RBMS3: variants seen among roughly 807,000 people sequenced by gnomAD.
RBMS3 encodes the protein RNA binding motif single stranded interacting protein 3, also known as RNA-binding motif, single-stranded-interacting protein 3.
A neutral mutation model predicts 66.8 loss-of-function variants in RBMS3; 27 were observed. The observed-to-expected ratio is 0.40, with a 90% CI of 0.30 to 0.56. RBMS3 has a LOEUF of 0.56. Ranked by LOEUF, RBMS3 falls within the 20% of genes least tolerant of loss-of-function variation. The pLI is 0.40. For synonymous variants in RBMS3, 188 were observed against 183.0 expected (o/e 1.03, Z -0.22); for missense variants, 513 against 549.5 (o/e 0.93, Z 0.66).
At chr3:29,721,363 A>G (rs1185829995) in intron 4 of RBMS3, among the ~76,000 whole-genome samples, 2 of 152,170 alleles carry the variant, frequency 1.3e-5, no homozygotes, top group Non-Finnish European at 2.9e-5. Context: ...CTATATAACA[A>G]CAGAGATATA....
At chr3:29,846,242 T>C (rs553364509) in intron 6 of RBMS3, among the ~76,000 whole-genome samples, 1 of 152,114 alleles carries the variant, frequency 6.6e-6, no homozygotes, top group African/African-American at 2.4e-5. Context: ...CAAAAAGAGA[T>C]GGTGGTAATT....
intron 4 of RBMS3, among the ~76,000 whole-genome samples, chr3:29,707,427 A>G (rs1267944993): frequency 6.6e-6 from 1 of 152,210 alleles, no homozygotes; most frequent in Non-Finnish European, 1.5e-5. Flanking sequence ...TTAAATTAAG[A>G]GCAATATTTT....
intron 4 of RBMS3, chr3:29,614,635 G>GCTAA (rs2048600592): frequency 6.6e-6 from 1 of 152,092 alleles, no homozygotes; most frequent in South Asian, 2.1e-4. Flanking sequence ...GGGAACAACT[G>GCTAA]GTTGAAAACT....
rs2037845820 is a variant in RBMS3, at chr3:29,365,448, T to C, written c.76-69295T>C. Among the ~76,000 whole-genome samples the C allele has an allele frequency of 2.6e-5, 4 of 152,110 alleles. No homozygotes were observed. In the South Asian group the frequency reaches 8.3e-4, roughly 32 times the overall value. On this transcript the variant is annotated intron_variant, in intron 1 of 14. Transcript: ENST00000383767. ...ATTTTCTCTCTTCGTATCAAAGAAG[T>C]AAAGGAAAACAATACAACATTACTT...
chr3:29,444,056 A>G (rs2041726639), intron 2 of RBMS3, among the ~76,000 whole-genome samples: 1 of 152,152 alleles, frequency 6.6e-6, no homozygotes, highest in Non-Finnish European at 1.5e-5. Context: ...TACATCTAAA[A>G]TGAGCTTTGC....
At chr3:29,335,963 C>A (rs937804938) in intron 1 of RBMS3, among the ~76,000 whole-genome samples, 2 of 152,018 alleles carry the variant, frequency 1.3e-5, no homozygotes, top group African/African-American at 4.8e-5. Context: ...ATATTCATGG[C>A]AATTCTTAGG....
chr3:29,998,329 G>A (rs1248238709), intron 14 of RBMS3, among the ~76,000 whole-genome samples: 8 of 152,114 alleles, frequency 5.3e-5, no homozygotes, highest in Non-Finnish European at 8.8e-5. Flanking sequence ...TCGTGAAATT[G>A]GCCATACTGC....
At chr3:29,865,124 G>GGAAGGAAA (rs1553688530) in intron 6 of RBMS3, among the ~76,000 whole-genome samples, 4 of 151,044 alleles carry the variant, frequency 2.6e-5, no homozygotes, top group African/African-American at 9.8e-5. Context: ...AAGGAAGGAA[G>GGAAGGAAA]GAAGGAAGGA....
At chr3:29,588,682 G>A (rs558320480) in intron 4 of RBMS3, among the ~76,000 whole-genome samples, 38 of 152,102 alleles carry the variant, frequency 2.5e-4, no homozygotes, top group African/African-American at 8.9e-4. Context: ...TCAAGATTAT[G>A]CCTAGAAGCT....
At chr3:29,716,417 GT>G (rs2053397813) in intron 4 of RBMS3, among the ~76,000 whole-genome samples, 1 of 152,030 alleles carries the variant, frequency 6.6e-6, no homozygotes, top group Non-Finnish European at 1.5e-5. Flanking sequence ...GCAAGTCATC[GT>G]TTCTATGTTA....
intron 12 of RBMS3, among the ~76,000 whole-genome samples, chr3:29,987,248 C>G (rs1194313514): frequency 6.6e-6 from 1 of 152,128 alleles, no homozygotes; most frequent in Non-Finnish European, 1.5e-5. Context: ...AGTTCAGAAA[C>G]TCAGAAACAT....
chr3:29,317,689 A>G (rs1024323970), intron 1 of RBMS3, among the ~76,000 whole-genome samples: 4 of 151,886 alleles, frequency 2.6e-5, no homozygotes, highest in African/African-American at 9.7e-5. Flanking sequence ...AGATTTGAGA[A>G]GAAATAATTC....
intron 4 of RBMS3, among the ~76,000 whole-genome samples, chr3:29,679,245 T>C (rs2051385328): frequency 6.6e-6 from 1 of 152,192 alleles, no homozygotes. Context: ...GAAGAATATA[T>C]ATGAGCTTCT....
Position 29,586,988 on chromosome 3 carries a change from A to T in RBMS3, c.308-126A>T, listed in dbSNP as rs3773103. On this transcript the variant is annotated intron_variant, in intron 3 of 14. Coordinates refer to ENST00000383767, the MANE Select transcript of RBMS3 (RefSeq NM_001003793.3). ...TAAGGACCACTAATCTAAGAGCCTA[A>T]TGTTCAACCAGGGTAATATGTCAGA... The T allele has an allele frequency of 0.13, 80,586 of 621,918 alleles. 6,386 individuals carry two copies. The highest frequency in any genetic ancestry group is 0.27 in the East Asian group (8,828 of 32,494). 38.5% of individuals were successfully genotyped at this position (621,918 alleles called of 1,614,324 possible).
chr3:29,936,595 G>T (rs528356448), intron 11 of RBMS3, among the ~76,000 whole-genome samples: 1 of 152,144 alleles, frequency 6.6e-6, no homozygotes, highest in Non-Finnish European at 1.5e-5. Context: ...ACACAACTGA[G>T]GGGCCAGATC....
At chr3:29,366,408 A>G (rs1179392797) in intron 1 of RBMS3, among the ~76,000 whole-genome samples, 2 of 152,100 alleles carry the variant, frequency 1.3e-5, no homozygotes, top group Non-Finnish European at 2.9e-5. Flanking sequence ...TGTTTTTTAA[A>G]CAGGGTCTTG....
chr3:29,766,775 A>G (rs1200075384), intron 6 of RBMS3: 3 of 151,982 alleles, frequency 2.0e-5, no homozygotes, highest in African/African-American at 7.2e-5. Flanking sequence ...GAGTACTAGT[A>G]TACAGGAAGT....
intron 1 of RBMS3, among the ~76,000 whole-genome samples, chr3:29,369,487 A>AACACACACACAC (rs59274434): frequency 0.025 from 3,367 of 135,250 alleles, 81 homozygotes; most frequent in East Asian, 0.075. Context: ...ATCACTCCTT[A>AACACACACACAC]ACACACACAC....
intron 4 of RBMS3, among the ~76,000 whole-genome samples, chr3:29,737,695 T>C (rs570473362): frequency 3.3e-5 from 5 of 152,266 alleles, no homozygotes; most frequent in African/African-American, 1.2e-4. Flanking sequence ...CCTTTTTTTT[T>C]ATTTACCACT....
Sources: allele counts gnomAD v4.1 joint callset (sites outside exome capture counted in the v4.1 genomes callset), GRCh38; gene constraint gnomAD v4.1.1; transcripts MANE v1.5; gene names NCBI Gene and HGNC (gene_info 2026-07-23, HGNC 2026-07-21).